Variants in MEIKIN observed in about 807,000 individuals in gnomAD.
The protein encoded by MEIKIN is meiosis-specific kinetochore protein.
intron 4 of MEIKIN, among the ~76,000 whole-genome samples, chr5:131,935,432 T>C (rs944841845): frequency 6.6e-6 from 1 of 152,156 alleles, no homozygotes; most frequent in African/African-American, 2.4e-5. Context: ...GGGAGTGGAC[T>C]AGAATGAAGA....
intron 5 of MEIKIN, among the ~76,000 whole-genome samples, chr5:131,924,371 G>A (rs1246125578): frequency 6.6e-6 from 1 of 152,080 alleles, no homozygotes; most frequent in Non-Finnish European, 1.5e-5. Flanking sequence ...TGGTCATTCT[G>A]TCTTTAATTT....
chr5:131,884,118 G>A (rs1274103631), intron 8 of MEIKIN, among the ~76,000 whole-genome samples: 1 of 149,824 alleles, frequency 6.7e-6, no homozygotes, highest in East Asian at 2.0e-4. Context: ...GCGAGTCCTA[G>A]TGCTGAACTG....
intron 12 of MEIKIN, among the ~76,000 whole-genome samples, chr5:131,818,481 C>T (rs540437157): frequency 6.6e-6 from 1 of 152,044 alleles, no homozygotes; most frequent in East Asian, 1.9e-4. Flanking sequence ...AGTGCAGTGA[C>T]CTGATGATAG....
intron 12 of MEIKIN, among the ~76,000 whole-genome samples, chr5:131,815,186 G>C (rs910514087): frequency 6.6e-6 from 1 of 152,152 alleles, no homozygotes; most frequent in Non-Finnish European, 1.5e-5. Context: ...ATTTCAGTAT[G>C]AGTCATTGCT....
chr5:131,870,376 T>C (rs1750466254), intron 9 of MEIKIN, among the ~76,000 whole-genome samples: 1 of 152,166 alleles, frequency 6.6e-6, no homozygotes, highest in Admixed American at 6.5e-5. Context: ...TTCTGTTTAT[T>C]TTTCTCCTCT....
intron 11 of MEIKIN, among the ~76,000 whole-genome samples, chr5:131,832,415 TAC>T (rs925843863): frequency 2.6e-5 from 4 of 152,136 alleles, no homozygotes. Flanking sequence ...CTTTGCAGGG[TAC>T]AACCTCCCTC....
chr5:131,944,773 T>A (rs1002075724), intron 2 of MEIKIN, 21 bp from the exon 3 acceptor site: 8 of 398,928 alleles, frequency 2.0e-5, no homozygotes, highest in African/African-American at 1.6e-4. Context: ...GACAACGCAA[T>A]TAGTTTGCAC....
At chr5:131,819,242 T>C (rs1044738663) in intron 11 of MEIKIN, among the ~76,000 whole-genome samples, 1 of 152,048 alleles carries the variant, frequency 6.6e-6, no homozygotes, top group Non-Finnish European at 1.5e-5. Flanking sequence ...AGTTAAACAC[T>C]AAATTCCTTG....
intron 8 of MEIKIN, among the ~76,000 whole-genome samples, chr5:131,894,325 G>A (rs1750995107): frequency 6.6e-6 from 1 of 152,198 alleles, no homozygotes; most frequent in African/African-American, 2.4e-5. Context: ...TTTGAAGTCA[G>A]GTAGTGTGAT....
At chr5:131,829,250 C>T (rs557108831) in intron 11 of MEIKIN, among the ~76,000 whole-genome samples, 2 of 152,088 alleles carry the variant, frequency 1.3e-5, no homozygotes, top group East Asian at 1.9e-4. Context: ...AATAATCAAT[C>T]AAATATGAAG....
intron 8 of MEIKIN, among the ~76,000 whole-genome samples, chr5:131,891,765 C>T (rs1009919838): frequency 6.6e-6 from 1 of 152,154 alleles, no homozygotes; most frequent in Non-Finnish European, 1.5e-5. Context: ...ATTATGATGT[C>T]AGCTGGTTAT....
rs1478383523 is a variant in MEIKIN, at chr5:131,944,752, G to C, written c.201C>G (p.Ser67Arg). The change falls in exon 3 of 13, where the codon AGC becomes AGG. Residue 67 changes from serine to arginine, a missense_variant and splice_region_variant. Transcript: ENST00000442687. ...TCTCTCCTGTAACTCCTAAGCGAGG[G>C]CTAACAAAGAGACAACGCAATTAGT... Reference protein sequence around the residue: ...RQGGSGSGPFSPRLGVTGEKS... With the variant: ...RQGGSGSGPFRPRLGVTGEKS... 2 of 398,926 alleles carry C rather than the reference G, an allele frequency of 5.0e-6. No individual in the cohort carries two copies. The highest frequency in any genetic ancestry group is 4.1e-5 in the African/African-American group (2 of 48,612). The allele number at this position is 398,926 out of a possible 1,614,324, so 24.7% of individuals were successfully genotyped here. A position where few individuals can be genotyped will look rare whatever the true frequency, so the allele number is the denominator to read the frequency against.
intron 11 of MEIKIN, among the ~76,000 whole-genome samples, chr5:131,846,849 A>G (rs551444847): frequency 2.0e-5 from 3 of 149,220 alleles, no homozygotes; most frequent in Non-Finnish European, 4.4e-5. Context: ...GTTTTAAGGC[A>G]CATGATGTAT....
At chr5:131,842,894 G>C (rs1372268268) in intron 11 of MEIKIN, among the ~76,000 whole-genome samples, 4 of 152,194 alleles carry the variant, frequency 2.6e-5, no homozygotes, top group African/African-American at 9.6e-5. Context: ...CCCTAGTAGA[G>C]GTTTTCCATG....
chr5:131,924,301 T>C (rs962214323), intron 5 of MEIKIN, among the ~76,000 whole-genome samples: 3 of 152,202 alleles, frequency 2.0e-5, no homozygotes, highest in Non-Finnish European at 2.9e-5. Context: ...AGTGCTAATA[T>C]CTCTTTGAGA....
chr5:131,912,281 T>C (rs1170370869), intron 7 of MEIKIN, among the ~76,000 whole-genome samples: 1 of 151,508 alleles, frequency 6.6e-6, no homozygotes, highest in Non-Finnish European at 1.5e-5. Context: ...TTAAGATACA[T>C]GACAGATTGA....
chr5:131,939,413 T>C (rs1247548427), intron 4 of MEIKIN, among the ~76,000 whole-genome samples: 1 of 152,106 alleles, frequency 6.6e-6, no homozygotes, highest in Non-Finnish European at 1.5e-5. Context: ...TATAATTCAT[T>C]AATCTACCTT....
intron 9 of MEIKIN, among the ~76,000 whole-genome samples, chr5:131,856,308 C>A (rs1750192541): frequency 6.6e-6 from 1 of 152,142 alleles, no homozygotes; most frequent in Non-Finnish European, 1.5e-5. Context: ...CTATTATCAT[C>A]ATCATTGTGG....
chr5:131,847,118 G>T (rs1750035229), intron 11 of MEIKIN, among the ~76,000 whole-genome samples: 1 of 151,830 alleles, frequency 6.6e-6, no homozygotes, highest in African/African-American at 2.4e-5. Flanking sequence ...AACCACAAAA[G>T]AAGACAGTAA....
Sources: allele counts gnomAD v4.1 joint callset (sites outside exome capture counted in the v4.1 genomes callset), GRCh38; gene constraint gnomAD v4.1.1; transcripts MANE v1.5; gene names NCBI Gene and HGNC (gene_info 2026-07-23, HGNC 2026-07-21).